Variants in FOXN3 observed in about 807,000 individuals in gnomAD.
FOXN3 encodes the protein forkhead box N3, also known as forkhead box protein N3.
FOXN3 carries 7 observed loss-of-function variants against 38.4 expected under a neutral mutation model. The observed-to-expected ratio is 0.18, with a 90% CI of 0.10 to 0.34. The LOEUF is 0.34. FOXN3 is among the 10% of genes least tolerant of loss of function. The pLI, the probability that FOXN3 is intolerant of heterozygous loss-of-function variation, is 1.00. For synonymous variants in FOXN3, 230 were observed against 242.2 expected (o/e 0.95, Z 0.47); for missense variants, 456 against 613.4 (o/e 0.74, Z 2.71).
chr14:89,521,119 G>C (rs1014110019), intron 1 of FOXN3, among the ~76,000 whole-genome samples: 4 of 152,112 alleles, frequency 2.6e-5, no homozygotes, highest in African/African-American at 9.7e-5. Flanking sequence ...AGACCATCCT[G>C]GCCAACGTGG....
intron 2 of FOXN3, among the ~76,000 whole-genome samples, chr14:89,377,389 A>G (rs1890517638): frequency 6.6e-6 from 1 of 152,240 alleles, no homozygotes; most frequent in African/African-American, 2.4e-5. Context: ...ACTAGATGAC[A>G]GACATCGAAC....
intron 4 of FOXN3, among the ~76,000 whole-genome samples, chr14:89,250,794 T>C (rs1171576472): frequency 6.6e-6 from 1 of 152,180 alleles, no homozygotes; most frequent in East Asian, 1.9e-4. Flanking sequence ...GTCTTTCCCA[T>C]GCTGTTCTTG....
At chr14:89,233,802 T>G (rs1259168200) in intron 4 of FOXN3, among the ~76,000 whole-genome samples, 1 of 152,228 alleles carries the variant, frequency 6.6e-6, no homozygotes. Flanking sequence ...CTCCCTGGGA[T>G]AGTTTATCAT....
chr14:89,352,974 C>T (rs1041699280), intron 2 of FOXN3, among the ~76,000 whole-genome samples: 1 of 152,182 alleles, frequency 6.6e-6, no homozygotes, highest in Non-Finnish European at 1.5e-5. Flanking sequence ...GGGGCAAGAA[C>T]AGTGAAACGC....
intron 1 of FOXN3, among the ~76,000 whole-genome samples, chr14:89,544,532 C>T (rs942473298): frequency 6.6e-6 from 1 of 152,172 alleles, no homozygotes; most frequent in Non-Finnish European, 1.5e-5. Context: ...GAGATCCCAA[C>T]CTTATGCTGT....
At chr14:89,405,624 G>A (rs918840067) in intron 2 of FOXN3, among the ~76,000 whole-genome samples, 2 of 152,132 alleles carry the variant, frequency 1.3e-5, no homozygotes, top group African/African-American at 2.4e-5. Flanking sequence ...CCTGGAAACC[G>A]GAAGCTGAGC....
At chr14:89,268,216 T>C (rs1334967547) in intron 4 of FOXN3, among the ~76,000 whole-genome samples, 2 of 152,212 alleles carry the variant, frequency 1.3e-5, no homozygotes, top group African/African-American at 2.4e-5. Context: ...TGAAATTACA[T>C]GTAAGCCAGG....
At chr14:89,607,223 G>A (rs377533858) in intron 1 of FOXN3, among the ~76,000 whole-genome samples, 7 of 152,150 alleles carry the variant, frequency 4.6e-5, no homozygotes, top group African/African-American at 1.7e-4. Context: ...ATCTGTTGTG[G>A]CCAGCAGAGA....
chr14:89,194,155 T>C (rs1023068020), intron 4 of FOXN3, among the ~76,000 whole-genome samples: 2 of 152,196 alleles, frequency 1.3e-5, no homozygotes, highest in African/African-American at 2.4e-5. Flanking sequence ...TAAGAGTGTC[T>C]TTTAATAAGC....
intron 3 of FOXN3, among the ~76,000 whole-genome samples, chr14:89,336,157 C>CACACACACACAT (rs1888449403): frequency 6.9e-6 from 1 of 145,038 alleles, no homozygotes; most frequent in African/African-American, 2.5e-5. Context: ...CACACACACA[C>CACACACACACAT]ACACACACAC....
chr14:89,544,658 C>T (rs74078973), intron 1 of FOXN3, among the ~76,000 whole-genome samples: 136 of 152,274 alleles, frequency 8.9e-4, no homozygotes, highest in African/African-American at 2.8e-3. Flanking sequence ...TCCTTCTCCA[C>T]GGGGAACAAG....
intron 4 of FOXN3, among the ~76,000 whole-genome samples, chr14:89,252,003 T>C (rs796832326): frequency 2.4e-4 from 36 of 152,384 alleles, no homozygotes; most frequent in African/African-American, 8.7e-4. Flanking sequence ...GAAACAGGGA[T>C]AGTTCTTTGG....
intron 1 of FOXN3, among the ~76,000 whole-genome samples, chr14:89,504,335 A>G (rs1893864886): frequency 6.6e-6 from 1 of 152,202 alleles, no homozygotes. Flanking sequence ...AAGTCCAAAC[A>G]CTGAATGTTT....
rs567307190 is a variant in FOXN3, at chr14:89,157,601, G to A, written c.*4813C>T. 8 of 152,682 alleles carry A rather than the reference G, an allele frequency of 5.2e-5. No individual in the cohort carries two copies. The highest frequency in any genetic ancestry group is 2.0e-4 in the Admixed American group (3 of 15,288). The allele number at this position is 152,682 out of a possible 1,614,324, so 9.5% of individuals were successfully genotyped here. A position where few individuals can be genotyped will look rare whatever the true frequency, so the allele number is the denominator to read the frequency against. ...GTATATACTTTGATTTACACATTCC[G>A]TTACAAAGGAAAAAAAGACACCATT... On this transcript the variant is annotated 3_prime_UTR_variant, in exon 6 of 6. Coordinates refer to ENST00000557258, the MANE Select transcript of FOXN3 (RefSeq NM_005197.4).
At position 89,163,252 on chromosome 14, in the gene FOXN3, G is replaced by A. The variant is rs1192073092; in HGVS notation, c.852-283C>T. On this transcript the variant is annotated intron_variant, in intron 5 of 5. Coordinates refer to ENST00000557258, the MANE Select transcript of FOXN3 (RefSeq NM_005197.4). This position sits in a 1 kb window ranked among gnomAD's most constrained non-coding sequence, Gnocchi z 4.3. The stretch of plus-strand genomic sequence containing the variant: ...ACAATCTTCTGAAGCGACAGTGGTG[G>A]AGGCTCCATCTCTTACATTAAACCA... Among the ~76,000 whole-genome samples, 1 of 152,184 alleles carries A rather than the reference G, an allele frequency of 6.6e-6. No individual in the cohort carries two copies. Among genetic ancestry groups the A allele is most frequent in the Non-Finnish European group, 1.5e-5 (1 of 68,042 alleles).
intron 2 of FOXN3, among the ~76,000 whole-genome samples, chr14:89,360,477 GA>G (rs764450249): frequency 6.7e-5 from 10 of 148,728 alleles, no homozygotes; most frequent in Non-Finnish European, 1.5e-4. Context: ...GAAGGAGAAA[GA>G]GGGGAAGGAA....
intron 4 of FOXN3, among the ~76,000 whole-genome samples, chr14:89,194,995 T>C (rs1175957800): frequency 6.6e-6 from 1 of 152,258 alleles, no homozygotes; most frequent in Non-Finnish European, 1.5e-5. Flanking sequence ...TATTAGTATA[T>C]GCTATCAAAA....
intron 4 of FOXN3, among the ~76,000 whole-genome samples, chr14:89,274,711 T>C (rs965685995): frequency 6.6e-6 from 1 of 152,180 alleles, no homozygotes; most frequent in Non-Finnish European, 1.5e-5. Flanking sequence ...TTTGAGAGTA[T>C]CGAGTACAGC....
intron 1 of FOXN3, among the ~76,000 whole-genome samples, chr14:89,618,732 A>T (rs901778352): frequency 6.4e-4 from 98 of 152,032 alleles, no homozygotes; most frequent in Non-Finnish European, 1.1e-3. Context: ...GCAATTTTTT[A>T]AAAAAAATTT....
Sources: allele counts gnomAD v4.1 joint callset (sites outside exome capture counted in the v4.1 genomes callset), GRCh38; gene constraint gnomAD v4.1.1; non-coding constraint Gnocchi (gnomAD v3.1); transcripts MANE v1.5; gene names NCBI Gene and HGNC (gene_info 2026-07-23, HGNC 2026-07-21).